Variants in GALNTL6 observed in about 807,000 individuals in gnomAD.
GALNTL6 encodes the protein polypeptide N-acetylgalactosaminyltransferase like 6.
Under a neutral mutation model 73.7 loss-of-function variants are expected in GALNTL6, and 46 were observed. That is an observed-to-expected ratio of 0.62 (90% CI 0.49 to 0.80). The LOEUF (loss-of-function observed/expected upper bound fraction) is 0.80. Among genes scored for constraint, GALNTL6 ranks in the 30% least tolerant of loss-of-function variants. The pLI is 0.00. For synonymous variants in GALNTL6, 259 were observed against 263.7 expected, an observed-to-expected ratio of 0.98 and a Z score of 0.17; for missense variants, 604 against 755.0, an observed-to-expected ratio of 0.80 and a Z score of 2.34.
chr4:171,831,917 T>C (rs932023389), intron 2 of GALNTL6, among the ~76,000 whole-genome samples: 2 of 151,588 alleles, frequency 1.3e-5, no homozygotes, highest in African/African-American at 4.8e-5. Flanking sequence ...CTACCCTGTT[T>C]TGGACACAAA....
At chr4:172,344,721 TCAGA>T (rs929362125) in intron 4 of GALNTL6, among the ~76,000 whole-genome samples, 1 of 152,204 alleles carries the variant, frequency 6.6e-6, no homozygotes, top group African/African-American at 2.4e-5. Context: ...CTTAATTCTA[TCAGA>T]CAAAGTTAGT....
intron 10 of GALNTL6, among the ~76,000 whole-genome samples, chr4:173,006,625 G>A (rs1752309057): frequency 6.6e-6 from 1 of 152,156 alleles, no homozygotes; most frequent in South Asian, 2.1e-4. Context: ...TGTAGTAAAG[G>A]TAAAAGAAAT....
intron 5 of GALNTL6, among the ~76,000 whole-genome samples, chr4:172,641,542 T>C (rs1436225822): frequency 1.3e-5 from 2 of 152,066 alleles, no homozygotes; most frequent in African/African-American, 4.8e-5. Flanking sequence ...GACAAACTGC[T>C]AACTGCATGG....
intron 2 of GALNTL6, among the ~76,000 whole-genome samples, chr4:172,121,524 T>C (rs1733150598): frequency 6.6e-6 from 1 of 152,188 alleles, no homozygotes; most frequent in South Asian, 2.1e-4. Flanking sequence ...ATCAATTTCC[T>C]GTATTTAAGT....
chr4:172,894,954 G>GTT lies in GALNTL6; in HGVS notation c.1041+12059_1041+12060dup, dbSNP rs34952191. Among the ~76,000 whole-genome samples the GTT allele has an allele frequency of 7.1e-4, 101 of 142,570 alleles. 1 individual carries two copies. The highest frequency in any genetic ancestry group is 1.5e-3 in the South Asian group (7 of 4,588). The allele number at this position is 142,570 out of a possible 152,430, so 93.5% of individuals were successfully genotyped here. On this transcript the variant is annotated intron_variant, in intron 8 of 12. Transcript: ENST00000506823. ...ATATAATGATCTTGTTTTTTTTACA[G>GTT]TTTTTTTTTTTTTACTTAAAGTCTC... is the stretch of plus-strand genomic sequence containing the variant.
At chr4:172,522,928 G>A (rs1272085728) in intron 5 of GALNTL6, among the ~76,000 whole-genome samples, 3 of 152,086 alleles carry the variant, frequency 2.0e-5, no homozygotes, top group Non-Finnish European at 4.4e-5. Flanking sequence ...AATGATCACA[G>A]TAGCACCCTA....
At chr4:172,428,734 A>G (rs1415311557) in intron 5 of GALNTL6, among the ~76,000 whole-genome samples, 2 of 152,220 alleles carry the variant, frequency 1.3e-5, no homozygotes, top group African/African-American at 2.4e-5. Flanking sequence ...AGATATAGAG[A>G]TAGAACCAAA....
At chr4:171,949,857 A>C (rs1249811801) in intron 2 of GALNTL6, among the ~76,000 whole-genome samples, 5 of 152,176 alleles carry the variant, frequency 3.3e-5, no homozygotes, top group Non-Finnish European at 7.3e-5. Context: ...AAGAGAGGCT[A>C]AGAGATACAT....
At position 173,034,399 on chromosome 4, in the gene GALNTL6, T is replaced by TGTAG. The variant is rs1023660774; in HGVS notation, c.1639-5533_1639-5530dup. On this transcript the variant is annotated intron_variant, in intron 12 of 12. Coordinates refer to ENST00000506823, the MANE Select transcript of GALNTL6 (RefSeq NM_001034845.3). The stretch of plus-strand genomic sequence containing the variant: ...GCACTGTACCACCATCTCATCATGA[T>TGTAG]GTAGCCCCTGCCTACCTCTTGGATA... 4.1e-4 allele frequency among the ~76,000 whole-genome samples: 63 copies of TGTAG among 152,318 alleles called. 1 individual carries two copies. Among genetic ancestry groups the TGTAG allele is most frequent in the African/African-American group, 1.4e-3 (57 of 41,584 alleles).
intron 8 of GALNTL6, among the ~76,000 whole-genome samples, chr4:172,904,065 A>G (rs1450442723): frequency 2.0e-5 from 3 of 152,176 alleles, no homozygotes; most frequent in Non-Finnish European, 4.4e-5. Context: ...GACATGAACA[A>G]TTCTTTCTGT....
At chr4:173,037,111 T>C (rs527459180) in intron 12 of GALNTL6, among the ~76,000 whole-genome samples, 1 of 152,334 alleles carries the variant, frequency 6.6e-6, no homozygotes, top group African/African-American at 2.4e-5. Flanking sequence ...AGAGGGTGCT[T>C]TGAGAAGCTT....
intron 5 of GALNTL6, among the ~76,000 whole-genome samples, chr4:172,536,148 C>G (rs1253628503): frequency 6.6e-6 from 1 of 152,196 alleles, no homozygotes; most frequent in Non-Finnish European, 1.5e-5. Flanking sequence ...TCTCCCATTA[C>G]TATGATGCCT....
At chr4:172,457,015 C>T (rs1272525641) in intron 5 of GALNTL6, among the ~76,000 whole-genome samples, 1 of 152,068 alleles carries the variant, frequency 6.6e-6, no homozygotes. Context: ...CTGCAAAAAC[C>T]CTACAAGCCA....
intron 2 of GALNTL6, among the ~76,000 whole-genome samples, chr4:171,843,859 C>T (rs1453804483): frequency 2.0e-5 from 3 of 152,054 alleles, no homozygotes; most frequent in Non-Finnish European, 4.4e-5. Context: ...GTAATTAGTG[C>T]TGATTTTCTA....
intron 2 of GALNTL6, among the ~76,000 whole-genome samples, chr4:172,220,250 A>G (rs761386129): frequency 1.6e-4 from 24 of 151,730 alleles, no homozygotes; most frequent in Non-Finnish European, 1.2e-4. Flanking sequence ...CCAAGTACCT[A>G]AACAGTGCCA....
At chr4:172,051,688 A>G (rs1730873473) in intron 2 of GALNTL6, among the ~76,000 whole-genome samples, 1 of 152,058 alleles carries the variant, frequency 6.6e-6, no homozygotes, top group African/African-American at 2.4e-5. Context: ...TGAAGTTTAT[A>G]TGGGCACAGG....
chr4:172,292,512 G>A (rs1739511095), intron 3 of GALNTL6, among the ~76,000 whole-genome samples: 1 of 152,072 alleles, frequency 6.6e-6, no homozygotes, highest in East Asian at 1.9e-4. Flanking sequence ...ATTCAGACAA[G>A]GAGAATTCCA....
intron 2 of GALNTL6, among the ~76,000 whole-genome samples, chr4:172,218,170 T>A (rs1650704450): frequency 6.6e-6 from 1 of 152,094 alleles, no homozygotes; most frequent in South Asian, 2.1e-4. Flanking sequence ...GTTTCCTCTC[T>A]TTGCCCATCC....
chr4:172,622,596 C>G (rs1035007776), intron 5 of GALNTL6, among the ~76,000 whole-genome samples: 1 of 152,260 alleles, frequency 6.6e-6, no homozygotes, highest in East Asian at 1.9e-4. Flanking sequence ...TCCACAGACA[C>G]TTTTCCAGAA....
Sources: allele counts gnomAD v4.1 joint callset (sites outside exome capture counted in the v4.1 genomes callset), GRCh38; gene constraint gnomAD v4.1.1; transcripts MANE v1.5; gene names NCBI Gene and HGNC (gene_info 2026-07-23, HGNC 2026-07-21).